The following BTBD9 variants were observed in gnomAD, a reference collection of about 807,000 sequenced individuals.
BTBD9 encodes BTB/POZ domain-containing protein 9.
Under a neutral mutation model 64.3 loss-of-function variants are expected in BTBD9, and 49 were observed. The observed-to-expected ratio is 0.76, with a 90% CI of 0.61 to 0.97. The LOEUF (loss-of-function observed/expected upper bound fraction) is 0.97, where lower values mean the gene tolerates loss of function less well. Among genes scored for constraint, BTBD9 ranks in the 50% least tolerant of loss-of-function variants. The pLI is 0.00. For missense variants in BTBD9, 598 were observed against 762.1 expected, an observed-to-expected ratio of 0.78 and a Z score of 2.53; for synonymous variants, 260 against 274.7, an observed-to-expected ratio of 0.95 and a Z score of 0.53.
chr6:38,474,741 G>C (rs1339907067), intron 6 of BTBD9, among the ~76,000 whole-genome samples: 1 of 151,934 alleles, frequency 6.6e-6, no homozygotes, highest in East Asian at 1.9e-4. Flanking sequence ...ATATCCTCCT[G>C]TCTCTTTCTT....
intron 6 of BTBD9, among the ~76,000 whole-genome samples, chr6:38,545,635 T>C (rs1283282806): frequency 3.3e-5 from 5 of 150,994 alleles, no homozygotes; most frequent in Admixed American, 6.6e-5. Flanking sequence ...AAAAATTAGC[T>C]GGGCGTGGTG....
At chr6:38,355,800 CTG>C (rs922589494) in intron 6 of BTBD9, among the ~76,000 whole-genome samples, 2 of 152,210 alleles carry the variant, frequency 1.3e-5, no homozygotes, top group African/African-American at 4.8e-5. Flanking sequence ...AGCCTGCACA[CTG>C]TATCTCACAC....
chr6:38,179,611 G>C (rs1761449349), intron 10 of BTBD9: 2 of 456,770 alleles, frequency 4.4e-6, no homozygotes, highest in Non-Finnish European at 8.8e-6. Context: ...CAGGCAGTTG[G>C]GGGCAGAGGC....
At chr6:38,193,120 T>C (rs1164171812) in intron 9 of BTBD9, among the ~76,000 whole-genome samples, 4 of 152,110 alleles carry the variant, frequency 2.6e-5, no homozygotes, top group African/African-American at 9.7e-5. Flanking sequence ...ATAAATACAT[T>C]TCCCCATCTA....
At chr6:38,631,463 T>C (rs934613689) in intron 1 of BTBD9, among the ~76,000 whole-genome samples, 7 of 152,166 alleles carry the variant, frequency 4.6e-5, no homozygotes, top group African/African-American at 1.7e-4. Flanking sequence ...ACAAATCAAA[T>C]ATAGAAGGAG....
chr6:38,218,427 T>C (rs1443360195), intron 9 of BTBD9, among the ~76,000 whole-genome samples: 1 of 152,234 alleles, frequency 6.6e-6, no homozygotes, highest in Non-Finnish European at 1.5e-5. Context: ...TTTCTGAACC[T>C]GCTACCACTT....
chr6:38,246,017 C>A (rs557484794), intron 9 of BTBD9, among the ~76,000 whole-genome samples: 1 of 152,114 alleles, frequency 6.6e-6, no homozygotes, highest in Non-Finnish European at 1.5e-5. Flanking sequence ...TCTTCCTGAT[C>A]ATTTGCTACC....
chr6:38,478,075 T>C (rs1200976083), intron 6 of BTBD9, among the ~76,000 whole-genome samples: 1 of 152,172 alleles, frequency 6.6e-6, no homozygotes, highest in Non-Finnish European at 1.5e-5. Flanking sequence ...AAAGCATGTG[T>C]GAGTGCCTAA....
chr6:38,183,987 G>A (rs1194919165), intron 10 of BTBD9, among the ~76,000 whole-genome samples: 1 of 152,192 alleles, frequency 6.6e-6, no homozygotes, highest in Admixed American at 6.5e-5. Context: ...GTGTGGTGGG[G>A]AGCCAGTCAG....
intron 8 of BTBD9, among the ~76,000 whole-genome samples, chr6:38,283,518 G>A (rs192424412): frequency 1.7e-3 from 266 of 152,244 alleles, no homozygotes; most frequent in Middle Eastern, 0.014. Flanking sequence ...GTGTGGTGGT[G>A]CATGCCTGTG....
At chr6:38,330,687 G>C (rs1763641960) in intron 7 of BTBD9, among the ~76,000 whole-genome samples, 2 of 150,000 alleles carry the variant, frequency 1.3e-5, no homozygotes, top group Admixed American at 1.3e-4. Context: ...GCACTAGAGA[G>C]CAAAATAGAT....
At chr6:38,352,571 T>C (rs1764562500) in intron 6 of BTBD9, among the ~76,000 whole-genome samples, 2 of 152,194 alleles carry the variant, frequency 1.3e-5, no homozygotes, top group Non-Finnish European at 2.9e-5. Flanking sequence ...CAGAGCTTCA[T>C]AATGCATTAG....
chr6:38,228,909 A>T (rs1010114339), intron 9 of BTBD9, among the ~76,000 whole-genome samples: 1 of 150,888 alleles, frequency 6.6e-6, no homozygotes, highest in Non-Finnish European at 1.5e-5. Flanking sequence ...AAACAAAAAC[A>T]GTCTCTAGGC....
intron 6 of BTBD9, among the ~76,000 whole-genome samples, chr6:38,417,775 G>GGA (rs1554149267): frequency 0.16 from 22,112 of 135,640 alleles, 2,167 homozygotes; most frequent in East Asian, 0.41. Flanking sequence ...CCTGTCTCGA[G>GGA]GAGAGAGAGA....
intron 9 of BTBD9, chr6:38,207,349 TGG>T: frequency 4.7e-6 from 1 of 211,474 alleles, no homozygotes; most frequent in Admixed American, 4.5e-5. Flanking sequence ...AAGCTGGGTG[TGG>T]CAGTTCATGC....
chr6:38,622,908 C>A (rs1383537118), intron 1 of BTBD9, among the ~76,000 whole-genome samples: 1 of 152,184 alleles, frequency 6.6e-6, no homozygotes, highest in East Asian at 1.9e-4. Flanking sequence ...TGCAGCAGCA[C>A]CCCCACCACT....
intron 6 of BTBD9, among the ~76,000 whole-genome samples, chr6:38,485,562 A>G (rs375689488): frequency 6.6e-6 from 1 of 152,196 alleles, no homozygotes; most frequent in African/African-American, 2.4e-5. Flanking sequence ...GACCAGGTAC[A>G]TGGTCAATGA....
At chr6:38,570,777 A>G (rs1775728606) in intron 6 of BTBD9, among the ~76,000 whole-genome samples, 1 of 152,232 alleles carries the variant, frequency 6.6e-6, no homozygotes, top group South Asian at 2.1e-4. Flanking sequence ...ACCAAAATAT[A>G]TACCTCTGGA....
chr6:38,288,591 T>A, intron 7 of BTBD9, 130 bp from the exon 8 acceptor site: 1 of 749,086 alleles, frequency 1.3e-6, no homozygotes, highest in Non-Finnish European at 2.1e-6. Flanking sequence ...AACATCTGGA[T>A]TATCTTCAGA....
Sources: gnomAD v4.1 joint callset for allele counts (sites outside exome capture counted in the v4.1 genomes callset) on GRCh38, gnomAD v4.1.1 for gene constraint, MANE v1.5 for transcripts, NCBI Gene and HGNC (gene_info 2026-07-23, HGNC 2026-07-21) for gene names.